Variants in CRACDL observed in about 807,000 individuals in gnomAD.
CRACDL encodes CRACD-like protein.
In CRACDL, 26 loss-of-function variants were observed where a neutral mutation model predicts 70.6. That is an observed-to-expected ratio of 0.37 (90% CI 0.27 to 0.51). The LOEUF (loss-of-function observed/expected upper bound fraction) is 0.51, where lower values mean the gene tolerates loss of function less well. CRACDL is among the 20% of genes least tolerant of loss of function. The probability of loss-of-function intolerance (pLI) is 0.94; values close to 1 mark genes in which losing one functional copy is unlikely to be tolerated. For synonymous variants in CRACDL, 618 were observed against 615.2 expected, an observed-to-expected ratio of 1.00 and a Z score of -0.07; for missense variants, 1,283 against 1,376.9, an observed-to-expected ratio of 0.93 and a Z score of 1.08.
chr2:98,924,342 G>A (rs1050279923), intron 1 of CRACDL, among the ~76,000 whole-genome samples: 2 of 152,190 alleles, frequency 1.3e-5, no homozygotes, highest in African/African-American at 4.8e-5. Context: ...CTCCTGGGCT[G>A]GGGACAAGCA....
intron 1 of CRACDL, among the ~76,000 whole-genome samples, chr2:98,925,032 G>A (rs962062386): frequency 2.0e-5 from 3 of 152,188 alleles, no homozygotes; most frequent in Admixed American, 6.5e-5. Context: ...ACCAGGGTGC[G>A]GTCCAGGACG....
intron 7 of CRACDL, among the ~76,000 whole-genome samples, chr2:98,817,843 T>C (rs1408443096): frequency 6.6e-6 from 1 of 152,004 alleles, no homozygotes; most frequent in African/African-American, 2.4e-5. Flanking sequence ...TCAAATGAGG[T>C]CCCCAGGTGA....
chr2:98,893,939 G>A (rs1027281941), intron 1 of CRACDL, among the ~76,000 whole-genome samples: 9 of 152,186 alleles, frequency 5.9e-5, no homozygotes, highest in Admixed American at 5.9e-4. Flanking sequence ...GGCGCTGACT[G>A]AATTCACTGG....
At chr2:98,866,662 A>AT (rs949179416) in intron 1 of CRACDL, among the ~76,000 whole-genome samples, 58 of 144,614 alleles carry the variant, frequency 4.0e-4, no homozygotes, top group African/African-American at 1.1e-3. Flanking sequence ...AATTTTTTGT[A>AT]TTTTTTTTTT....
At chr2:98,858,507 T>G (rs1314160128) in intron 1 of CRACDL, among the ~76,000 whole-genome samples, 2 of 123,756 alleles carry the variant, frequency 1.6e-5, no homozygotes, top group African/African-American at 6.4e-5. Flanking sequence ...AGAGTGAGAC[T>G]CTGTCAAAAA....
At chr2:98,878,237 G>T (rs893369780) in intron 1 of CRACDL, among the ~76,000 whole-genome samples, 3 of 152,114 alleles carry the variant, frequency 2.0e-5, no homozygotes, top group African/African-American at 7.2e-5. Context: ...ATGAGCCACC[G>T]CACCCGGCCC....
chr2:98,798,820 C>T (rs1703951161), intron 7 of CRACDL, among the ~76,000 whole-genome samples: 1 of 151,958 alleles, frequency 6.6e-6, no homozygotes, highest in South Asian at 2.1e-4. Flanking sequence ...GCCTCCTGAG[C>T]AGCTGGGATT....
intron 1 of CRACDL, among the ~76,000 whole-genome samples, chr2:98,871,506 G>A (rs1309255473): frequency 6.6e-6 from 1 of 152,198 alleles, no homozygotes; most frequent in East Asian, 1.9e-4. Context: ...CAAGGCCTGT[G>A]CCTCCGCAAG....
At chr2:98,879,487 T>C (rs67650979) in intron 1 of CRACDL, among the ~76,000 whole-genome samples, 16,172 of 152,216 alleles carry the variant, frequency 0.11, 1,252 homozygotes, top group Admixed American at 0.23. Flanking sequence ...AATATGGAAA[T>C]GCATTTGGCT....
chr2:98,800,714 A>G (rs549129541), intron 7 of CRACDL, among the ~76,000 whole-genome samples: 2 of 152,326 alleles, frequency 1.3e-5, no homozygotes, highest in Admixed American at 6.5e-5. Flanking sequence ...CTAGCTGACC[A>G]TCTACCCAAC....
chr2:98,832,495 A>T lies in CRACDL; in HGVS notation c.393T>A (p.Asn131Lys), dbSNP rs765361065. The T allele has an allele frequency of 1.5e-5, 24 of 1,600,436 alleles. No individual in the cohort carries two copies. The Middle Eastern group carries it at 5.0e-4, about 33-fold the overall frequency. Residue 131 changes from asparagine (N) to lysine (K), a missense_variant, in exon 5 of 10, where the codon AAT becomes AAA. Asn to Lys is a moderately conservative substitution (Grantham distance 94). This residue lies in a region of CRACDL where 362 missense variants were observed against 495.0 expected (regional missense o/e 0.73). Transcript: ENST00000397899. ...IKALQLKIQC[N>K]VKMGPPPPPG... is the part of the protein sequence containing the mutation. ...GAGGAGGTGGTGGCCCCATTTTCACATTACACTGTATTTTTAACTAGATTG... is the reference window on the plus strand; with the variant it reads ...GAGGAGGTGGTGGCCCCATTTTCACTTTACACTGTATTTTTAACTAGATTG...
intron 1 of CRACDL, chr2:98,912,704 C>T (rs1441952794): frequency 2.6e-5 from 4 of 152,412 alleles, no homozygotes; most frequent in Admixed American, 2.6e-4. Flanking sequence ...ATTCTGGGCT[C>T]CCTGCCACCC....
At chr2:98,813,866 C>A (rs1341747469) in intron 7 of CRACDL, among the ~76,000 whole-genome samples, 1 of 152,128 alleles carries the variant, frequency 6.6e-6, no homozygotes, top group African/African-American at 2.4e-5. Flanking sequence ...AGGTTTTTAC[C>A]TACAGATTTG....
At chr2:98,849,325 C>T (rs1021687689) in intron 1 of CRACDL, among the ~76,000 whole-genome samples, 5 of 152,178 alleles carry the variant, frequency 3.3e-5, no homozygotes, top group Admixed American at 3.3e-4. Context: ...TGATGTTACG[C>T]AACACATCAA....
At position 98,882,585 on chromosome 2, in the gene CRACDL, A is replaced by G. The variant is rs551830117; in HGVS notation, c.-10-35775T>C. Among the ~76,000 whole-genome samples the G allele has an allele frequency of 2.6e-5, 4 of 152,342 alleles. No individual in the cohort carries two copies. The South Asian group carries it at 8.3e-4, about 32-fold the overall frequency. Reference sequence around the variant, plus strand: ...GGACTCTGTTGGGAGTCCTGGATCCAGCTATTCCTGAAGCTAGCTAGCTGT... The same window carrying G: ...GGACTCTGTTGGGAGTCCTGGATCCGGCTATTCCTGAAGCTAGCTAGCTGT... On this transcript the variant is annotated intron_variant, in intron 1 of 9. Coordinates refer to ENST00000397899, the MANE Select transcript of CRACDL (RefSeq NM_207362.3).
intron 1 of CRACDL, among the ~76,000 whole-genome samples, chr2:98,913,688 G>A (rs1312041351): frequency 6.6e-6 from 1 of 152,202 alleles, no homozygotes; most frequent in Non-Finnish European, 1.5e-5. Context: ...GGAAAGCATG[G>A]TCTTCGGGAG....
chr2:98,796,605 CA>C (rs2104391939), intron 8 of CRACDL, among the ~76,000 whole-genome samples: 1 of 152,306 alleles, frequency 6.6e-6, no homozygotes, highest in Admixed American at 6.5e-5. Flanking sequence ...ATAGATGTCC[CA>C]AACTGGTTAC....
At position 98,913,609 on chromosome 2, in the gene CRACDL, C is replaced by T. The variant is rs185729070; in HGVS notation, c.-11+22329G>A. ...AGAGGGCCAAGCCGATGGACTCACC[C>T]AGGAGTCCCTTAGTCACTCAGGACC... On this transcript the variant is annotated intron_variant, in intron 1 of 9. Transcript: ENST00000397899. Among the ~76,000 whole-genome samples the T allele has an allele frequency of 2.6e-5, 4 of 152,220 alleles. No homozygotes were observed. In the East Asian group the frequency reaches 7.7e-4, roughly 29 times the overall value.
chr2:98,897,583 G>A, intron 1 of CRACDL: 1 of 263,266 alleles, frequency 3.8e-6, no homozygotes, highest in Non-Finnish European at 7.8e-6. Flanking sequence ...TCCAATGAAA[G>A]GAGAAAAATT....
Sources: allele counts gnomAD v4.1 joint callset (sites outside exome capture counted in the v4.1 genomes callset), GRCh38; gene constraint gnomAD v4.1.1; regional missense constraint gnomAD v4.1.1; transcripts MANE v1.5; gene names NCBI Gene and HGNC (gene_info 2026-07-23, HGNC 2026-07-21).